Variants in SAMD12 observed in about 807,000 individuals in gnomAD.
The protein encoded by SAMD12 is sterile alpha motif domain containing 12.
A neutral mutation model predicts 15.0 loss-of-function variants in SAMD12; 9 were observed. The ratio of observed to expected loss-of-function variants is 0.60; its 90% CI spans 0.36 to 1.05. The LOEUF (loss-of-function observed/expected upper bound fraction) is 1.05. Among genes scored for constraint, SAMD12 ranks in the 50% least tolerant of loss-of-function variants. The pLI is 0.01. For synonymous variants in SAMD12, 86 were observed against 90.1 expected (o/e 0.96, Z 0.25); for missense variants, 230 against 234.2 (o/e 0.98, Z 0.12).
At chr8:118,209,880 A>G (rs1052844075) in intron 4 of SAMD12, among the ~76,000 whole-genome samples, 1 of 152,196 alleles carries the variant, frequency 6.6e-6, no homozygotes, top group Non-Finnish European at 1.5e-5. Context: ...ACCTGTGGCC[A>G]ATACCCTGGA....
At chr8:118,463,386 C>T (rs1385112463) in intron 2 of SAMD12, among the ~76,000 whole-genome samples, 1 of 152,068 alleles carries the variant, frequency 6.6e-6, no homozygotes, top group Non-Finnish European at 1.5e-5. Context: ...AAGGATTCAT[C>T]CAGGAATCAC....
intron 4 of SAMD12, among the ~76,000 whole-genome samples, chr8:118,365,522 T>C (rs1228536339): frequency 1.3e-5 from 2 of 152,098 alleles, no homozygotes; most frequent in Non-Finnish European, 2.9e-5. Context: ...TTGGACACTG[T>C]AGCTACTGAT....
intron 4 of SAMD12, among the ~76,000 whole-genome samples, chr8:118,342,673 A>C (rs988250799): frequency 2.0e-5 from 3 of 152,266 alleles, no homozygotes; most frequent in African/African-American, 7.2e-5. Flanking sequence ...ACTGATATAA[A>C]CAGTCCCAAA....
At chr8:118,182,907 A>G in the SAMD12 span, among the ~76,000 whole-genome samples, 1 of 152,202 alleles carries the variant, frequency 6.6e-6, no homozygotes, top group Non-Finnish European at 1.5e-5. Flanking sequence ...TGTTAACAGA[A>G]ATGTTCATTA....
At position 118,535,119 on chromosome 8, in the gene SAMD12, G is replaced by A. The variant is rs535304063; in HGVS notation, c.192+45596C>T. On this transcript the variant is annotated intron_variant, in intron 2 of 3. Transcript: ENST00000314727. ...GGTCTTTGATGATGAGGTACAGATG[G>A]GGTTTTGGTGTGGATGTCCTTTCTG... is the stretch of plus-strand genomic sequence containing the variant. Among the ~76,000 whole-genome samples the A allele has an allele frequency of 6.6e-5, 10 of 152,284 alleles. No homozygotes were observed. The South Asian group carries it at 2.1e-3, about 32-fold the overall frequency.
rs62532669 is a variant in SAMD12, at chr8:118,284,713, C to T, written c.434-86981G>A. 1,363 of 167,922 alleles carry T rather than the reference C, an allele frequency of 8.1e-3. 19 individuals carry two copies. Among genetic ancestry groups the T allele is most frequent in the African/African-American group, 0.03 (1,251 of 41,682 alleles). The allele number at this position is 167,922 out of a possible 1,614,324, so 10.4% of individuals were successfully genotyped here. The stretch of plus-strand genomic sequence containing the variant: ...ATCCCAGCACTTTGGGAGGCCAAGG[C>T]GGGCAGATCACGAGGTCAGGAGATC... On this transcript the variant is annotated intron_variant, in intron 4 of 4. Transcript: ENST00000409003.
intron 2 of SAMD12, among the ~76,000 whole-genome samples, chr8:118,486,142 T>TGC (rs1253129249): frequency 6.6e-6 from 1 of 151,732 alleles, no homozygotes; most frequent in East Asian, 1.9e-4. Context: ...AGGCTGGGGG[T>TGC]GGTGGCTCAC....
At chr8:118,422,335 G>A (rs1399143095) in intron 3 of SAMD12, among the ~76,000 whole-genome samples, 2 of 152,176 alleles carry the variant, frequency 1.3e-5, no homozygotes, top group African/African-American at 4.8e-5. Context: ...CGTGATAAAT[G>A]TTATAATACT....
intron 2 of SAMD12, among the ~76,000 whole-genome samples, chr8:118,547,956 T>G (rs1346006647): frequency 6.6e-6 from 1 of 152,170 alleles, no homozygotes; most frequent in African/African-American, 2.4e-5. Context: ...TGTAACACAC[T>G]TGAGGACATC....
At chr8:118,306,905 C>T (rs1469573738) in intron 4 of SAMD12, among the ~76,000 whole-genome samples, 3 of 152,166 alleles carry the variant, frequency 2.0e-5, no homozygotes, top group Non-Finnish European at 2.9e-5. Flanking sequence ...ATCTGTGAAG[C>T]TTTCAAAAAG....
chr8:118,246,714 T>C (rs1812706425), intron 4 of SAMD12, among the ~76,000 whole-genome samples: 1 of 152,056 alleles, frequency 6.6e-6, no homozygotes, highest in South Asian at 2.1e-4. Flanking sequence ...TGATATGAGA[T>C]TTTAGAGAAG....
At chr8:118,196,757 T>TCCAC (rs910229927) in exon 5 of SAMD12, 2 of 152,160 alleles carry the variant, frequency 1.3e-5, no homozygotes, top group African/African-American at 4.8e-5. Context: ...TTACCATCCA[T>TCCAC]CCACCATGGT....
intron 4 of SAMD12, among the ~76,000 whole-genome samples, chr8:118,321,164 T>TATATATATATATATAC (rs1816253194): frequency 9.8e-5 from 8 of 81,614 alleles, no homozygotes; most frequent in African/African-American, 4.0e-4. Flanking sequence ...TATATATATA[T>TATATATATATATATAC]ATATATATAT....
At chr8:118,196,155 G>T (rs938011886) in exon 5 of SAMD12, 11 of 152,204 alleles carry the variant, frequency 7.2e-5, no homozygotes, top group Admixed American at 1.3e-4. Flanking sequence ...GGCGTGGGTG[G>T]TTTCCAATGG....
chr8:118,163,512 A>C, the SAMD12 span, among the ~76,000 whole-genome samples: 5 of 152,186 alleles, frequency 3.3e-5, no homozygotes, highest in African/African-American at 4.8e-5. Flanking sequence ...CATTAGAACC[A>C]CCTGGGGGAG....
intron 4 of SAMD12, among the ~76,000 whole-genome samples, chr8:118,225,487 T>A (rs1222530348): frequency 7.2e-5 from 11 of 152,168 alleles, no homozygotes; most frequent in Non-Finnish European, 1.6e-4. Context: ...CTGGGAGTGA[T>A]CTGCAAGGGG....
At chr8:118,506,991 A>G (rs960513500) in intron 2 of SAMD12, among the ~76,000 whole-genome samples, 10 of 152,178 alleles carry the variant, frequency 6.6e-5, no homozygotes, top group Middle Eastern at 3.4e-3. Context: ...CCAAATTAGT[A>G]GAGTGAAAAT....
intron 4 of SAMD12, among the ~76,000 whole-genome samples, chr8:118,355,847 A>G (rs926619905): frequency 1.8e-4 from 27 of 152,296 alleles, no homozygotes; most frequent in African/African-American, 5.8e-4. Flanking sequence ...TATTGGTACA[A>G]CCTTTGACTG....
At chr8:118,273,110 T>C (rs1813405198) in intron 4 of SAMD12, among the ~76,000 whole-genome samples, 1 of 152,184 alleles carries the variant, frequency 6.6e-6, no homozygotes, top group African/African-American at 2.4e-5. Flanking sequence ...GGGTAATTTA[T>C]AAAGAAAAGT....
Sources: gnomAD v4.1 joint callset for allele counts (sites outside exome capture counted in the v4.1 genomes callset) on GRCh38, gnomAD v4.1.1 for gene constraint, MANE v1.5 for transcripts, NCBI Gene and HGNC (gene_info 2026-07-23, HGNC 2026-07-21) for gene names.